THSD4: variants seen among roughly 807,000 people sequenced by gnomAD.
The protein encoded by THSD4 is thrombospondin type 1 domain containing 4.
In THSD4, 69 loss-of-function variants were observed where a neutral mutation model predicts 119.0. That is an observed-to-expected ratio of 0.58 (90% CI 0.48 to 0.71). THSD4 has a LOEUF of 0.71. Among genes scored for constraint, THSD4 ranks in the 30% least tolerant of loss-of-function variants. The pLI is 0.00. For synonymous variants in THSD4, 524 were observed against 540.4 expected, an observed-to-expected ratio of 0.97 and a Z score of 0.42; for missense variants, 1,393 against 1,391.1, an observed-to-expected ratio of 1.00 and a Z score of -0.02.
chr15:71,749,082 A>C (rs766993287), intron 14 of THSD4, among the ~76,000 whole-genome samples: 5 of 152,260 alleles, frequency 3.3e-5, no homozygotes, highest in Non-Finnish European at 7.3e-5. Context: ...AAGGGAAAAC[A>C]GTCATATATT....
chr15:71,487,868 A>G (rs1195248632), intron 7 of THSD4, among the ~76,000 whole-genome samples: 1 of 152,112 alleles, frequency 6.6e-6, no homozygotes, highest in Non-Finnish European at 1.5e-5. Flanking sequence ...AATTTTATAT[A>G]CTTTATCTTC....
intron 1 of THSD4, among the ~76,000 whole-genome samples, chr15:71,125,208 T>C (rs1792133961): frequency 6.6e-6 from 1 of 152,220 alleles, no homozygotes; most frequent in Non-Finnish European, 1.5e-5. Flanking sequence ...TGGTTTATTA[T>C]TGTGTACTCT....
Position 71,141,516 on chromosome 15 carries a change from A to AC in THSD4, c.-7dup. ...CTGAAGAGCCCTTGCTTTTGCCTGG[A>AC]CCCCCAGCATCATGGTTTCCCATTT... On this transcript the variant is annotated 5_prime_UTR_variant, in exon 2 of 18. Transcript: ENST00000261862. 1 of 1,608,126 alleles carries AC rather than the reference A, an allele frequency of 6.2e-7. No individual in the cohort carries two copies. The highest frequency in any genetic ancestry group is 8.5e-7 in the Non-Finnish European group (1 of 1,177,500).
chr15:71,223,562 T>G (rs2043991978), intron 4 of THSD4, among the ~76,000 whole-genome samples: 1 of 152,198 alleles, frequency 6.6e-6, no homozygotes, highest in South Asian at 2.1e-4. Context: ...TAATAGACAT[T>G]GCCTTGTTTA....
Position 71,493,783 on chromosome 15 carries a change from G to A in THSD4, c.1152+81960G>A, listed in dbSNP as rs62015879. Among the ~76,000 whole-genome samples, 532 of 152,352 alleles carry A rather than the reference G, an allele frequency of 3.5e-3. 3 individuals are homozygous for A. The highest frequency in any genetic ancestry group is 6.3e-3 in the Non-Finnish European group (426 of 68,034). The stretch of plus-strand genomic sequence containing the variant: ...CACTCCGCTAGACACTTCATACCCG[G>A]TCTGTCAAATCAGCCACGGCTGCCT... On this transcript the variant is annotated intron_variant, in intron 7 of 17. Coordinates refer to ENST00000261862, the MANE Select transcript of THSD4 (RefSeq NM_024817.3).
chr15:71,326,344 G>A (rs866531662), intron 6 of THSD4, among the ~76,000 whole-genome samples: 2 of 151,992 alleles, frequency 1.3e-5, no homozygotes, highest in African/African-American at 2.4e-5. Context: ...CTCAGAAAAT[G>A]GTGGTGGTGA....
chr15:71,767,830 A>G lies in THSD4; in HGVS notation c.2769+2631A>G, dbSNP rs924271956. On this transcript the variant is annotated intron_variant, in intron 16 of 17. Coordinates refer to ENST00000261862, the MANE Select transcript of THSD4 (RefSeq NM_024817.3). ...GTTGGGATATCTTTTTCTAGCAGGC[A>G]GCAAGGAAGTTCTTAAACACAACAG... 3.0e-4 allele frequency among the ~76,000 whole-genome samples: 45 copies of G among 152,374 alleles called. 2 individuals are homozygous for G. Among genetic ancestry groups the G allele is most frequent in the Non-Finnish European group, 1.3e-4 (9 of 68,036 alleles).
At chr15:71,215,710 G>T (rs935003950) in intron 4 of THSD4, among the ~76,000 whole-genome samples, 1 of 152,192 alleles carries the variant, frequency 6.6e-6, no homozygotes, top group African/African-American at 2.4e-5. Context: ...AGCAGGAGGG[G>T]AGTGCTGTCC....
At chr15:71,130,414 T>C (rs927288960) in intron 1 of THSD4, among the ~76,000 whole-genome samples, 1 of 152,178 alleles carries the variant, frequency 6.6e-6, no homozygotes, top group African/African-American at 2.4e-5. Flanking sequence ...CTCGAACTCC[T>C]GAGCTCAAGT....
At chr15:71,265,635 A>T (rs902494075) in intron 6 of THSD4, among the ~76,000 whole-genome samples, 3 of 152,110 alleles carry the variant, frequency 2.0e-5, no homozygotes, top group African/African-American at 7.2e-5. Context: ...AGGGGGCTGA[A>T]GCCAGGGAGC....
chr15:71,390,044 C>A (rs978155559), intron 6 of THSD4, among the ~76,000 whole-genome samples: 3 of 151,954 alleles, frequency 2.0e-5, no homozygotes, highest in African/African-American at 7.3e-5. Flanking sequence ...ACTTTGTGAT[C>A]CGCCCACCTC....
chr15:71,539,424 C>T (rs1460795816), intron 7 of THSD4, among the ~76,000 whole-genome samples: 1 of 152,202 alleles, frequency 6.6e-6, no homozygotes, highest in African/African-American at 2.4e-5. Context: ...CCTGCATCTT[C>T]CTTCTTCCTT....
chr15:71,741,534 T>C lies in THSD4; in HGVS notation c.1906+3527T>C, dbSNP rs891695593. On this transcript the variant is annotated intron_variant, in intron 11 of 17. Transcript: ENST00000261862. ...AAACAAAAAAACTGAACAATCTCTT[T>C]CTCTAGATTTCCATATGATTTTGTT... Among the ~76,000 whole-genome samples, 6 of 152,112 alleles carry C rather than the reference T, an allele frequency of 3.9e-5. No homozygotes were observed. The East Asian group carries it at 9.6e-4, about 24-fold the overall frequency.
chr15:71,698,174 A>G (rs1246939508), intron 8 of THSD4, among the ~76,000 whole-genome samples: 1 of 152,192 alleles, frequency 6.6e-6, no homozygotes, highest in Non-Finnish European at 1.5e-5. Context: ...TTGGAGCCAC[A>G]CAGATAAATA....
rs181854634 is a variant in THSD4, at chr15:71,321,103, T to G, written c.1015+64388T>G. On this transcript the variant is annotated intron_variant, in intron 6 of 17. Transcript: ENST00000261862. ...CCTTCTAAGGTTGACCCAAAACACA[T>G]GATTCCCCGTTTTATAGATGTATCA... 6.2e-4 allele frequency among the ~76,000 whole-genome samples: 95 copies of G among 152,290 alleles called. 1 individual carries two copies. Among genetic ancestry groups the G allele is most frequent in the African/African-American group, 1.3e-3 (55 of 41,568 alleles).
chr15:71,601,236 C>T (rs2050004699), intron 7 of THSD4, among the ~76,000 whole-genome samples: 2 of 152,216 alleles, frequency 1.3e-5, no homozygotes, highest in South Asian at 4.1e-4. Context: ...TTAACACTTC[C>T]TGCTGTGTGT....
At chr15:71,268,391 A>C (rs1049777050) in intron 6 of THSD4, among the ~76,000 whole-genome samples, 1 of 152,202 alleles carries the variant, frequency 6.6e-6, no homozygotes, top group African/African-American at 2.4e-5. Flanking sequence ...AGAAATAAAG[A>C]AGTTGTTTGA....
chr15:71,664,868 C>T (rs1434992613), intron 8 of THSD4, among the ~76,000 whole-genome samples: 1 of 152,138 alleles, frequency 6.6e-6, no homozygotes, highest in African/African-American at 2.4e-5. Flanking sequence ...TGTATATGTA[C>T]CACATTTTCT....
At chr15:71,473,935 T>A (rs1214195106) in intron 7 of THSD4, among the ~76,000 whole-genome samples, 1 of 152,188 alleles carries the variant, frequency 6.6e-6, no homozygotes, top group Non-Finnish European at 1.5e-5. Flanking sequence ...GCAGGGCCTA[T>A]ATGGTGGTTT....
Sources: allele counts gnomAD v4.1 joint callset (sites outside exome capture counted in the v4.1 genomes callset), GRCh38; gene constraint gnomAD v4.1.1; transcripts MANE v1.5; gene names NCBI Gene and HGNC (gene_info 2026-07-23, HGNC 2026-07-21).